The following BANF2 variants were observed in gnomAD, a reference collection of about 807,000 sequenced individuals.
The protein encoded by BANF2 is barrier-to-autointegration factor-like protein.
Under a neutral mutation model 8.0 loss-of-function variants are expected in BANF2, and 4 were observed. The observed-to-expected ratio is 0.50, with a 90% CI of 0.25 to 1.14. The LOEUF is 1.14. Among genes scored for constraint, BANF2 ranks in the 50% most tolerant of loss-of-function variants. BANF2 has a pLI of 0.16. For synonymous variants in BANF2, 50 were observed against 40.6 expected (o/e 1.23, Z -0.88); for missense variants, 96 against 107.5 (o/e 0.89, Z 0.47).
chr20:17,694,871 C>T (rs897056769), intron 1 of BANF2, among the ~76,000 whole-genome samples: 1 of 152,004 alleles, frequency 6.6e-6, no homozygotes, highest in African/African-American at 2.4e-5. Flanking sequence ...ATCTTCCTGC[C>T]TCAGCCTCCC....
intron 1 of BANF2, among the ~76,000 whole-genome samples, chr20:17,715,855 T>C (rs2037643642): frequency 6.6e-6 from 1 of 152,216 alleles, no homozygotes; most frequent in Non-Finnish European, 1.5e-5. Context: ...CCTGACATAA[T>C]TGAAAAGTCC....
chr20:17,733,156 G>T (rs926550543), intron 3 of BANF2, among the ~76,000 whole-genome samples: 8 of 152,356 alleles, frequency 5.3e-5, no homozygotes, highest in African/African-American at 1.9e-4. Flanking sequence ...CTGTGGGTAT[G>T]TGGAGGCTCT....
intron 1 of BANF2, among the ~76,000 whole-genome samples, chr20:17,707,821 C>T (rs2037505828): frequency 6.6e-6 from 1 of 151,752 alleles, no homozygotes; most frequent in Non-Finnish European, 1.5e-5. Flanking sequence ...CTCAGATGAT[C>T]CACCCACCTT....
At chr20:17,702,355 G>A (rs992317451) in intron 1 of BANF2, among the ~76,000 whole-genome samples, 4 of 152,188 alleles carry the variant, frequency 2.6e-5, no homozygotes, top group Non-Finnish European at 5.9e-5. Flanking sequence ...AAGATGGAGC[G>A]ATGTCTATAC....
At chr20:17,702,458 A>G (rs1417552919) in intron 1 of BANF2, among the ~76,000 whole-genome samples, 1 of 152,226 alleles carries the variant, frequency 6.6e-6, no homozygotes. Flanking sequence ...GGTGCCCTGA[A>G]ATAGTAGCCA....
intron 3 of BANF2, among the ~76,000 whole-genome samples, chr20:17,734,909 A>C (rs1388137293): frequency 1.3e-5 from 2 of 152,158 alleles, no homozygotes; most frequent in Admixed American, 1.3e-4. Context: ...CAACATGGCA[A>C]AACCCCGTCT....
At chr20:17,693,953 C>T (rs992367746) in intron 1 of BANF2, among the ~76,000 whole-genome samples, 11 of 152,344 alleles carry the variant, frequency 7.2e-5, no homozygotes, top group Admixed American at 2.0e-4. Context: ...CTATGGCCGA[C>T]GGGCACGTCT....
Position 17,721,917 on chromosome 20 carries a change from T to A in BANF2, c.-166-799T>A, listed in dbSNP as rs76604153. On this transcript the variant is annotated intron_variant, in intron 1 of 3. Coordinates refer to ENST00000246090, the MANE Select transcript of BANF2 (RefSeq NM_178477.5). ...GTATTGACACCTAGGGCCAGATAATTCTTTGTTGTGGGGCAGTTGTGTGCA... is the reference window on the plus strand; with the variant it reads ...GTATTGACACCTAGGGCCAGATAATACTTTGTTGTGGGGCAGTTGTGTGCA... Among the ~76,000 whole-genome samples, 1,205 of 152,320 alleles carry A rather than the reference T, an allele frequency of 7.9e-3. 12 individuals are homozygous for A. Among genetic ancestry groups the A allele is most frequent in the African/African-American group, 0.027 (1,124 of 41,566 alleles).
intron 1 of BANF2, among the ~76,000 whole-genome samples, chr20:17,714,058 T>C (rs1182825084): frequency 6.6e-6 from 1 of 151,356 alleles, no homozygotes; most frequent in Non-Finnish European, 1.5e-5. Flanking sequence ...ATACAAAAAT[T>C]AGCCAGGCAT....
intron 3 of BANF2, among the ~76,000 whole-genome samples, chr20:17,730,159 G>T (rs1274185988): frequency 1.3e-5 from 2 of 152,148 alleles, no homozygotes; most frequent in African/African-American, 4.8e-5. Flanking sequence ...ACCTCTAAGT[G>T]CATTATGTAT....
intron 1 of BANF2, among the ~76,000 whole-genome samples, chr20:17,704,678 G>A (rs905427914): frequency 6.6e-6 from 1 of 152,164 alleles, no homozygotes; most frequent in East Asian, 1.9e-4. Context: ...TTATCATTGT[G>A]TCCCTTGTAA....
At chr20:17,728,193 T>C (rs766251384) in intron 3 of BANF2, among the ~76,000 whole-genome samples, 10 of 152,222 alleles carry the variant, frequency 6.6e-5, no homozygotes, top group Non-Finnish European at 1.3e-4. Context: ...CCTCAGTTTC[T>C]TTGCTGTGCA....
intron 3 of BANF2, among the ~76,000 whole-genome samples, chr20:17,732,143 G>A (rs529897098): frequency 3.9e-5 from 6 of 152,318 alleles, no homozygotes; most frequent in Middle Eastern, 3.4e-3. Flanking sequence ...CAAGAGCCAA[G>A]TGTTAAACCA....
At chr20:17,734,448 G>A (rs2037946524) in intron 3 of BANF2, among the ~76,000 whole-genome samples, 1 of 152,200 alleles carries the variant, frequency 6.6e-6, no homozygotes, top group African/African-American at 2.4e-5. Context: ...CACACCGTGT[G>A]CATTAGGAAG....
intron 2 of BANF2, among the ~76,000 whole-genome samples, chr20:17,723,511 A>G (rs2037761248): frequency 6.6e-6 from 1 of 152,232 alleles, no homozygotes. Flanking sequence ...TTTTGGTAGC[A>G]TGTGCTAATA....
rs754273195 is a variant in BANF2, at chr20:17,693,739, G to C, written c.18+33G>C. ...AGATTGGTCTGACTTCCTTGCTCAC[G>C]GTGGGGAAGAGACGGCGGGGAAAGG... On this transcript the variant is annotated intron_variant, in intron 1 of 2. Transcript: ENST00000545418. 15 of 1,550,842 alleles carry C rather than the reference G, an allele frequency of 9.7e-6. No homozygotes were observed. In the East Asian group the frequency reaches 2.7e-4, roughly 28 times the overall value.
intron 3 of BANF2, among the ~76,000 whole-genome samples, chr20:17,733,692 C>T (rs1412631445): frequency 3.9e-5 from 6 of 152,132 alleles, no homozygotes; most frequent in Non-Finnish European, 7.3e-5. Context: ...AATGAGATCA[C>T]GCCAAGTAAC....
chr20:17,731,346 C>T (rs950683238), intron 3 of BANF2: 5 of 152,066 alleles, frequency 3.3e-5, no homozygotes, highest in African/African-American at 1.2e-4. Context: ...GAGAGAGAAT[C>T]AAAGAAAGTT....
At chr20:17,719,012 T>C (rs1262039354) in intron 1 of BANF2, among the ~76,000 whole-genome samples, 4 of 152,188 alleles carry the variant, frequency 2.6e-5, no homozygotes, top group Non-Finnish European at 5.9e-5. Flanking sequence ...ATGGACCCAA[T>C]GCTGCAGCTC....
Sources: allele counts gnomAD v4.1 joint callset (sites outside exome capture counted in the v4.1 genomes callset), GRCh38; gene constraint gnomAD v4.1.1; transcripts MANE v1.5; gene names NCBI Gene and HGNC (gene_info 2026-07-23, HGNC 2026-07-21).